PTCD1: variants seen among roughly 807,000 people sequenced by gnomAD.
The protein encoded by PTCD1 is pentatricopeptide repeat domain 1, also known as pentatricopeptide repeat-containing protein 1, mitochondrial.
A neutral mutation model predicts 53.4 loss-of-function variants in PTCD1; 50 were observed. The observed-to-expected ratio is 0.94, with a 90% CI of 0.75 to 1.19. The LOEUF is 1.19. Ranked by LOEUF, PTCD1 falls within the 50% of genes most tolerant of loss-of-function variation. The pLI is 0.00. For synonymous variants in PTCD1, 413 were observed against 394.8 expected, an observed-to-expected ratio of 1.05 and a Z score of -0.55; for missense variants, 918 against 904.8, an observed-to-expected ratio of 1.01 and a Z score of -0.19.
Position 99,419,720 on chromosome 7 carries a change from A to T in PTCD1, c.*247T>A. The T allele has an allele frequency of 4.2e-6, 3 of 711,484 alleles. No individual in the cohort carries two copies. Among genetic ancestry groups the T allele is most frequent in the Non-Finnish European group, 6.9e-6 (3 of 437,624 alleles). The allele number at this position is 711,484 out of a possible 1,614,324, so 44.1% of individuals were successfully genotyped here. On this transcript the variant is annotated 3_prime_UTR_variant, in exon 8 of 8. Transcript: ENST00000292478. ...GCCCCCTTGTGGTGTGTGAGGTGAC[A>T]CACAAAGGTAGCTGGAGCTGGAAGT...
At chr7:99,420,612 T>C (rs534271950) in intron 7 of PTCD1, among the ~76,000 whole-genome samples, 2 of 152,286 alleles carry the variant, frequency 1.3e-5, no homozygotes, top group Admixed American at 6.5e-5. Flanking sequence ...TAGGGGAATA[T>C]ACCAAAAAAG....
At chr7:99,423,398 T>C (rs1428749030) in intron 7 of PTCD1, among the ~76,000 whole-genome samples, 1 of 151,746 alleles carries the variant, frequency 6.6e-6, no homozygotes, top group Non-Finnish European at 1.5e-5. Flanking sequence ...GAGACTTTCA[T>C]CCCAGGTCAG....
chr7:99,437,504 C>T (rs549400458), intron 1 of PTCD1, among the ~76,000 whole-genome samples: 10 of 152,144 alleles, frequency 6.6e-5, no homozygotes, highest in African/African-American at 2.4e-4. Flanking sequence ...AGGGTTTCAC[C>T]ATGTTGGCCA....
chr7:99,421,438 A>G (rs1032267268), intron 7 of PTCD1, among the ~76,000 whole-genome samples: 8 of 148,270 alleles, frequency 5.4e-5, no homozygotes, highest in African/African-American at 2.1e-4. Flanking sequence ...TTAAAAAAAA[A>G]AAAAAAAAAG....
Position 99,433,343 on chromosome 7 carries a change from T to G in PTCD1, c.529A>C (p.Thr177Pro), listed in dbSNP as rs1796335356. 2 of 1,614,216 alleles carry G rather than the reference T, an allele frequency of 1.2e-6. No homozygotes were observed. The highest frequency in any genetic ancestry group is 4.5e-5 in the East Asian group (2 of 44,880). ...ERLQPMESNY[T>P]VLIGGCGRVG... ...CGCCCGCAGCCCCCAATCAGCACCG[T>G]GTAGTTGCTCTCCATGGGCTGCAAT... The change falls in exon 3 of 8, where the codon ACG becomes CCG. Residue 177 changes from threonine to proline, a missense_variant. Transcript: ENST00000292478.
chr7:99,425,624 G>A lies in PTCD1; in HGVS notation c.916-8C>T, dbSNP rs375394864. ...CAGCATCAGCCGCCACACCTGCCACGGAAGAGACAAACGTCAGCTGGGTGC... is the reference window on the plus strand; with the variant it reads ...CAGCATCAGCCGCCACACCTGCCACAGAAGAGACAAACGTCAGCTGGGTGC... On this transcript the variant is annotated splice_region_variant and splice_polypyrimidine_tract_variant and intron_variant, in intron 5 of 7. Coordinates refer to ENST00000292478, the MANE Select transcript of PTCD1 (RefSeq NM_015545.4). 5 of 1,604,456 alleles carry A rather than the reference G, an allele frequency of 3.1e-6. No homozygotes were observed. The highest frequency in any genetic ancestry group is 2.2e-5 in the South Asian group (2 of 90,020).
At position 99,438,784 on chromosome 7, in the gene PTCD1, G is replaced by A. The variant is rs1796611850; in HGVS notation, c.-119C>T. The A allele has an allele frequency of 2.9e-6, 4 of 1,374,690 alleles. No individual in the cohort carries two copies. Among genetic ancestry groups the A allele is most frequent in the East Asian group, 3.9e-5 (1 of 25,726 alleles). 85.2% of individuals were successfully genotyped at this position (1,374,690 alleles called of 1,614,324 possible). ...TCCTCGGGTCCCCCTCTCCCCAAGC[G>A]CGCAGGCGCAATCCGCGTCGCCGAC... On this transcript the variant is annotated 5_prime_UTR_variant, in exon 1 of 8. Coordinates refer to ENST00000292478, the MANE Select transcript of PTCD1 (RefSeq NM_015545.4).
In PTCD1 at chr7:99,426,619, G is replaced by A. The variant is rs1298385813; in HGVS notation, c.916-1003C>T. Among the ~76,000 whole-genome samples the A allele has an allele frequency of 6.0e-5, 9 of 150,966 alleles. No individual in the cohort carries two copies. In the South Asian group the frequency reaches 8.3e-4, roughly 14 times the overall value. The stretch of plus-strand genomic sequence containing the variant: ...CCACCCCGTCTGGGAAGTGAGGAGC[G>A]TCTCTGCCTGGCCGCCCATCGTCTG... On this transcript the variant is annotated intron_variant, in intron 5 of 7. Coordinates refer to ENST00000292478, the MANE Select transcript of PTCD1 (RefSeq NM_015545.4).
intron 1 of PTCD1, among the ~76,000 whole-genome samples, chr7:99,437,113 GCC>G (rs1796504362): frequency 2.0e-5 from 3 of 152,154 alleles, no homozygotes; most frequent in Non-Finnish European, 4.4e-5. Context: ...CAATCCTCCA[GCC>G]TTGGCCTCCC....
At position 99,418,765 on chromosome 7, in the gene PTCD1, A is replaced by G; in HGVS notation, c.*1202T>C. 1 of 152,490 alleles carries G rather than the reference A, an allele frequency of 6.6e-6. No homozygotes were observed. The allele number at this position is 152,490 out of a possible 1,614,324, so 9.4% of individuals were successfully genotyped here. A position where few individuals can be genotyped will look rare whatever the true frequency, so the allele number is the denominator to read the frequency against. Reference sequence around the variant, plus strand: ...GTGCTGCTTCAGCCCTGTGGCCAAAACAGCCCGCTGTAGACTTACCTGGGT... The same window carrying G: ...GTGCTGCTTCAGCCCTGTGGCCAAAGCAGCCCGCTGTAGACTTACCTGGGT... On this transcript the variant is annotated 3_prime_UTR_variant, in exon 8 of 8. Coordinates refer to ENST00000292478, the MANE Select transcript of PTCD1 (RefSeq NM_015545.4).
Position 99,429,142 on chromosome 7 carries a change from G to T in PTCD1, c.876C>A (p.Cys292Ter). Residue 292 changes from cysteine to a stop codon, truncating the protein, a stop_gained, in exon 5 of 8, where the codon TGC (cysteine) becomes TGA (stop). Coordinates refer to ENST00000292478, the MANE Select transcript of PTCD1 (RefSeq NM_015545.4). LOFTEE classifies it high-confidence loss of function. Reference sequence around the variant, plus strand: ...GGAAGCCTGTCTTCTTGTCTTGGATGCAGCCCATGAGCAGGAAACTGAAGG... The same window carrying T: ...GGAAGCCTGTCTTCTTGTCTTGGATTCAGCCCATGAGCAGGAAACTGAAGG... Reference protein sequence around the residue: ...EETFSFLLMGCIQDKKTGFRY... With the variant: ...EETFSFLLMG 2 of 1,614,182 alleles carry T rather than the reference G, an allele frequency of 1.2e-6. No homozygotes were observed. Among genetic ancestry groups the T allele is most frequent in the Non-Finnish European group, 1.7e-6 (2 of 1,180,024 alleles).
chr7:99,424,508 A>C (rs915316919), intron 6 of PTCD1, among the ~76,000 whole-genome samples: 14 of 152,178 alleles, frequency 9.2e-5, no homozygotes, highest in Non-Finnish European at 1.6e-4. Flanking sequence ...CCATACCTCT[A>C]GAGTGTTGGG....
chr7:99,434,402 T>C (rs1196699558), intron 2 of PTCD1, among the ~76,000 whole-genome samples: 1 of 152,028 alleles, frequency 6.6e-6, no homozygotes, highest in Non-Finnish European at 1.5e-5. Context: ...TGAGCCAAGA[T>C]CGTGCCACTG....
chr7:99,417,990 C>G lies in PTCD1; in HGVS notation c.*1977G>C. On this transcript the variant is annotated 3_prime_UTR_variant, in exon 8 of 8. Coordinates refer to ENST00000292478, the MANE Select transcript of PTCD1 (RefSeq NM_015545.4). ...CACTATCTTTCCCGCCCCCCCAAGA[C>G]GGAGTCTTGCTTTGTCGCCCAGGCT... The G allele has an allele frequency of 1.7e-6, 2 of 1,170,644 alleles. No individual in the cohort carries two copies. Among genetic ancestry groups the G allele is most frequent in the Non-Finnish European group, 2.1e-6 (2 of 936,292 alleles). The allele number at this position is 1,170,644 out of a possible 1,614,324, so 72.5% of individuals were successfully genotyped here.
intron 1 of PTCD1, among the ~76,000 whole-genome samples, chr7:99,435,561 C>T (rs1366468594): frequency 6.6e-6 from 1 of 151,930 alleles, no homozygotes; most frequent in Non-Finnish European, 1.5e-5. Flanking sequence ...ATCACCTGAA[C>T]CTGGGAGATG....
rs1562840849 is a variant in PTCD1 at position 99,425,203 on chromosome 7, CAGG to C, written c.1326_1328del (p.Leu443del). ...CTGTAGGGGGAACGGCCCCGGGGGTCAGGAGGTTGACTTCCAGCTCCACGGGAG... is the reference window on the plus strand; with the variant it reads ...CTGTAGGGGGAACGGCCCCGGGGGTCAGGTTGACTTCCAGCTCCACGGGAG... On this transcript the variant is annotated inframe_deletion, in exon 6 of 8. Coordinates refer to ENST00000292478, the MANE Select transcript of PTCD1 (RefSeq NM_015545.4). 13 of 1,612,560 alleles carry C rather than the reference CAGG, an allele frequency of 8.1e-6. No homozygotes were observed. Among genetic ancestry groups the C allele is most frequent in the Non-Finnish European group, 1.0e-5 (12 of 1,178,764 alleles).
chr7:99,433,208 A>T, intron 3 of PTCD1, 70 bp downstream of exon 3: 1 of 1,613,020 alleles, frequency 6.2e-7, no homozygotes, highest in South Asian at 1.1e-5. Context: ...AAGCACTAGC[A>T]AGTGGCACAC....
Position 99,429,638 on chromosome 7 carries a change from T to A in PTCD1, c.763A>T (p.Lys255Ter), listed in dbSNP as rs1216861687. 2 of 1,614,202 alleles carry A rather than the reference T, an allele frequency of 1.2e-6. No homozygotes were observed. Among genetic ancestry groups the A allele is most frequent in the Admixed American group, 1.7e-5 (1 of 60,020 alleles). Reference protein sequence around the residue: ...LNLKTYHALLKMAAKCADLRM... With the variant: ...LNLKTYHALL ...AGGTCTGCGCACTTGGCAGCCATCTTCAGCAGCGCGTGGTATGTTTTCAAG... is the reference window on the plus strand; with the variant it reads ...AGGTCTGCGCACTTGGCAGCCATCTACAGCAGCGCGTGGTATGTTTTCAAG... The change falls in exon 4 of 8, where the codon AAG becomes TAG. Residue 255 changes from lysine (K) to a stop codon, truncating the protein, a stop_gained. Coordinates refer to ENST00000292478, the MANE Select transcript of PTCD1 (RefSeq NM_015545.4). LOFTEE classifies it high-confidence loss of function.
intron 4 of PTCD1, among the ~76,000 whole-genome samples, 155 bp from the exon 5 acceptor site, chr7:99,429,359 G>A (rs1257022736): frequency 3.3e-5 from 5 of 152,144 alleles, no homozygotes; most frequent in Admixed American, 2.6e-4. Flanking sequence ...GCAAGACCCT[G>A]TCTCTAGGAA....
Sources: allele counts gnomAD v4.1 joint callset (sites outside exome capture counted in the v4.1 genomes callset), GRCh38; gene constraint gnomAD v4.1.1; transcripts MANE v1.5; gene names NCBI Gene and HGNC (gene_info 2026-07-23, HGNC 2026-07-21).